HIVEP3: variants seen among roughly 807,000 people sequenced by gnomAD.
The protein encoded by HIVEP3 is HIVEP zinc finger 3.
In HIVEP3, 49 loss-of-function variants were observed where a neutral mutation model predicts 152.8. The observed-to-expected ratio is 0.32, with a 90% CI of 0.26 to 0.41. The LOEUF (loss-of-function observed/expected upper bound fraction) is 0.41, where lower values mean the gene tolerates loss of function less well. HIVEP3 is among the 10% of genes least tolerant of loss of function. The probability of loss-of-function intolerance (pLI) is 1.00; values close to 1 mark genes in which losing one functional copy is unlikely to be tolerated. For synonymous variants in HIVEP3, 1,269 were observed against 1,289.0 expected (o/e 0.98, Z 0.33); for missense variants, 2,790 against 3,103.3 (o/e 0.90, Z 2.40).
At chr1:41,555,848 T>C (rs1409041072) in intron 5 of HIVEP3, among the ~76,000 whole-genome samples, 1 of 152,210 alleles carries the variant, frequency 6.6e-6, no homozygotes, top group African/African-American at 2.4e-5. Context: ...TGGATACGAC[T>C]AGTCTATGTA....
At chr1:41,573,758 C>A (rs1007662917) in intron 5 of HIVEP3, among the ~76,000 whole-genome samples, 1 of 152,016 alleles carries the variant, frequency 6.6e-6, no homozygotes, top group South Asian at 2.1e-4. Context: ...AAACTGAGGG[C>A]GGGAGAGCTG....
chr1:41,881,718 A>C lies in HIVEP3; in HGVS notation c.-801+36695T>G, dbSNP rs149767380. On this transcript the variant is annotated intron_variant, in intron 1 of 8. Coordinates refer to ENST00000372583, the MANE Select transcript of HIVEP3 (RefSeq NM_024503.5). ...TTCAGATGTAGGTACAGCATTGAGA[A>C]GGACCATACACTCAGCCCAGGGCAT... is the stretch of plus-strand genomic sequence containing the variant. 3.5e-3 allele frequency among the ~76,000 whole-genome samples: 528 copies of C among 152,372 alleles called. 3 individuals carry two copies. Among genetic ancestry groups the C allele is most frequent in the African/African-American group, 0.012 (502 of 41,590 alleles).
intron 7 of HIVEP3, among the ~76,000 whole-genome samples, chr1:41,515,817 T>C (rs1484964010): frequency 1.3e-5 from 2 of 152,140 alleles, no homozygotes; most frequent in African/African-American, 4.8e-5. Context: ...CAGAGGACTG[T>C]GAGGGTCTGG....
intron 3 of HIVEP3, among the ~76,000 whole-genome samples, chr1:41,593,680 CT>C (rs1233279395): frequency 6.6e-6 from 1 of 152,252 alleles, no homozygotes; most frequent in Non-Finnish European, 1.5e-5. Context: ...TATAAACTGT[CT>C]CTTTAACATT....
chr1:41,573,486 C>G (rs574913375), intron 5 of HIVEP3, among the ~76,000 whole-genome samples: 4 of 152,184 alleles, frequency 2.6e-5, no homozygotes, highest in Non-Finnish European at 5.9e-5. Flanking sequence ...GGATCTGACA[C>G]TATAATCAGT....
At chr1:41,892,221 A>G (rs1644457535) in intron 1 of HIVEP3, among the ~76,000 whole-genome samples, 1 of 152,230 alleles carries the variant, frequency 6.6e-6, no homozygotes, top group African/African-American at 2.4e-5. Flanking sequence ...ATCTTAAAAC[A>G]AATAAACAAC....
chr1:41,748,545 T>C (rs565795141), intron 1 of HIVEP3, among the ~76,000 whole-genome samples: 2 of 152,328 alleles, frequency 1.3e-5, no homozygotes, highest in East Asian at 3.9e-4. Context: ...ATCACCATCA[T>C]GGCAACAATA....
chr1:41,937,351 G>A (rs1338993480), intron 1 of HIVEP3, among the ~76,000 whole-genome samples: 1 of 152,156 alleles, frequency 6.6e-6, no homozygotes, highest in Non-Finnish European at 1.5e-5. Flanking sequence ...GTTCAAGGTG[G>A]TCACAGGACT....
intron 1 of HIVEP3, among the ~76,000 whole-genome samples, chr1:41,845,374 C>T (rs1377706637): frequency 1.3e-5 from 2 of 149,926 alleles, no homozygotes; most frequent in African/African-American, 4.9e-5. Context: ...TCACTGTCTC[C>T]ATCAGCAACA....
chr1:41,993,503 G>A (rs1645375986), intron 1 of HIVEP3, among the ~76,000 whole-genome samples: 1 of 151,940 alleles, frequency 6.6e-6, no homozygotes, highest in Non-Finnish European at 1.5e-5. Context: ...GGAAACAACA[G>A]GTGCTGGAGA....
chr1:41,866,209 T>G (rs943191486), intron 1 of HIVEP3, among the ~76,000 whole-genome samples: 1 of 152,166 alleles, frequency 6.6e-6, no homozygotes, highest in African/African-American at 2.4e-5. Flanking sequence ...GATGGACACA[T>G]CTGCAGGGAG....
At chr1:41,630,934 C>T (rs1645185392) in intron 2 of HIVEP3, among the ~76,000 whole-genome samples, 1 of 152,150 alleles carries the variant, frequency 6.6e-6, no homozygotes, top group African/African-American at 2.4e-5. Context: ...ATATTGTATT[C>T]CCCAAATCAC....
rs143939204 is a variant in HIVEP3 at position 41,891,487 on chromosome 1, A to G, written c.-801+26926T>C. Reference sequence around the variant, plus strand: ...GGTGTGGGTTACCACAGCAAGGTCCATGCTGCAAAGACGGGCTGCCCCTCC... The same window carrying G: ...GGTGTGGGTTACCACAGCAAGGTCCGTGCTGCAAAGACGGGCTGCCCCTCC... On this transcript the variant is annotated intron_variant, in intron 1 of 8. Coordinates refer to ENST00000372583, the MANE Select transcript of HIVEP3 (RefSeq NM_024503.5). Among the ~76,000 whole-genome samples the G allele has an allele frequency of 2.8e-3, 427 of 152,306 alleles. 1 individual carries two copies. The highest frequency in any genetic ancestry group is 4.4e-3 in the Non-Finnish European group (296 of 68,020).
chr1:41,556,668 G>C (rs753785949), intron 5 of HIVEP3, among the ~76,000 whole-genome samples: 1 of 151,960 alleles, frequency 6.6e-6, no homozygotes, highest in Non-Finnish European at 1.5e-5. Flanking sequence ...TTTTTCTTTT[G>C]TTGCCTATGC....
chr1:41,755,944 A>C (rs1254421814), intron 1 of HIVEP3, among the ~76,000 whole-genome samples: 2 of 152,206 alleles, frequency 1.3e-5, no homozygotes, highest in Non-Finnish European at 2.9e-5. Flanking sequence ...AAAACTAAAC[A>C]TACAGTTAGC....
Position 41,506,894 on chromosome 1 carries a change from T to C in HIVEP3, c.*3557A>G, listed in dbSNP as rs1644388744. The C allele has an allele frequency of 6.6e-6, 1 of 151,856 alleles. No individual in the cohort carries two copies. Among genetic ancestry groups the C allele is most frequent in the African/African-American group, 2.4e-5 (1 of 41,366 alleles). 9.4% of individuals were successfully genotyped at this position (151,856 alleles called of 1,614,324 possible). Reference sequence around the variant, plus strand: ...TACATTTGCCTGCACGTTTCTTTTTTCTGTTTCTTTTCTTTCTTTCTTTTT... The same window carrying C: ...TACATTTGCCTGCACGTTTCTTTTTCCTGTTTCTTTTCTTTCTTTCTTTTT... On this transcript the variant is annotated 3_prime_UTR_variant, in exon 9 of 9. Transcript: ENST00000372583.
In HIVEP3 at chr1:41,615,434, G is replaced by C. The variant is rs574728263; in HGVS notation, c.-522+13315C>G. ...ATCACACCACGCAAGCTTAGAGCTA[G>C]AGGGCACTTAAGTGGGGTCTAAAGT... On this transcript the variant is annotated intron_variant, in intron 3 of 8. Coordinates refer to ENST00000372583, the MANE Select transcript of HIVEP3 (RefSeq NM_024503.5). 1.8e-3 allele frequency among the ~76,000 whole-genome samples: 272 copies of C among 152,354 alleles called. 1 individual carries two copies. The highest frequency in any genetic ancestry group is 3.4e-3 in the Middle Eastern group (1 of 292).
chr1:41,753,964 C>T (rs1018147810), intron 1 of HIVEP3, among the ~76,000 whole-genome samples: 7 of 152,062 alleles, frequency 4.6e-5, no homozygotes, highest in Non-Finnish European at 8.8e-5. Flanking sequence ...GCAGCAAAGG[C>T]AATGCTGGAG....
chr1:41,975,213 C>G (rs1448042337), intron 1 of HIVEP3, among the ~76,000 whole-genome samples: 1 of 152,172 alleles, frequency 6.6e-6, no homozygotes, highest in East Asian at 1.9e-4. Context: ...AGTTCAACTG[C>G]CCCCCTCTAC....
Sources: allele counts gnomAD v4.1 joint callset (sites outside exome capture counted in the v4.1 genomes callset), GRCh38; gene constraint gnomAD v4.1.1; transcripts MANE v1.5; gene names NCBI Gene and HGNC (gene_info 2026-07-23, HGNC 2026-07-21).